FGF14: variants seen among roughly 807,000 people sequenced by gnomAD.
The protein encoded by FGF14 is fibroblast growth factor homologous factor 4.
In FGF14, 5 loss-of-function variants were observed where a neutral mutation model predicts 25.5. The observed-to-expected ratio is 0.20, with a 90% confidence interval of 0.10 to 0.41. The LOEUF (loss-of-function observed/expected upper bound fraction) is 0.41, where lower values mean the gene tolerates loss of function less well. Ranked by LOEUF, FGF14 falls within the 10% of genes least tolerant of loss-of-function variation. FGF14 has a pLI of 1.00. For missense variants in FGF14, 222 were observed against 320.1 expected (o/e 0.69, Z 2.34); for synonymous variants, 138 against 118.3 (o/e 1.17, Z -1.08).
intron 1 of FGF14, among the ~76,000 whole-genome samples, chr13:102,344,460 A>C (rs1415482343): frequency 6.6e-6 from 1 of 152,276 alleles, no homozygotes; most frequent in Non-Finnish European, 1.5e-5. Context: ...TTACCAGAGC[A>C]TTTGAAAAAT....
At chr13:101,731,148 C>T (rs2035783298) in intron 3 of FGF14, among the ~76,000 whole-genome samples, 1 of 152,292 alleles carries the variant, frequency 6.6e-6, no homozygotes, top group African/African-American at 2.4e-5. Context: ...CCCTACTTTG[C>T]TTCTCAAGGC....
At chr13:101,798,595 G>C (rs2040692870) in intron 3 of FGF14, among the ~76,000 whole-genome samples, 1 of 152,012 alleles carries the variant, frequency 6.6e-6, no homozygotes, top group Non-Finnish European at 1.5e-5. Flanking sequence ...GGGGGCATGT[G>C]GTCAACATTG....
chr13:102,275,345 AT>A lies in FGF14; in HGVS notation c.208+126125del, dbSNP rs1452825721. ...TTTTGGTATTTTTATAAATTAAAAAATATGCCAAAAATATTATCTAATGAAG... is the reference window on the plus strand; with the variant it reads ...TTTTGGTATTTTTATAAATTAAAAAAATGCCAAAAATATTATCTAATGAAG... On this transcript the variant is annotated intron_variant, in intron 1 of 4. Transcript: ENST00000376131. 1.2e-4 allele frequency among the ~76,000 whole-genome samples: 18 copies of A among 151,934 alleles called. 1 individual carries two copies. Among genetic ancestry groups the A allele is most frequent in the South Asian group, 4.2e-4 (2 of 4,816 alleles).
intron 2 of FGF14, among the ~76,000 whole-genome samples, chr13:101,870,709 T>C (rs2045012545): frequency 6.6e-6 from 1 of 152,164 alleles, no homozygotes. Flanking sequence ...ATCCCAGCAC[T>C]TCGGGAAGCC....
In FGF14 at chr13:102,219,394, C is replaced by T. The variant is rs76226584; in HGVS notation, c.208+182077G>A. Reference sequence around the variant, plus strand: ...GAGACAGAAGAAGGACTTCTTCACCCAGGACTTGACATCAACCCCTGCTCC... The same window carrying T: ...GAGACAGAAGAAGGACTTCTTCACCTAGGACTTGACATCAACCCCTGCTCC... On this transcript the variant is annotated intron_variant, in intron 1 of 4. Transcript: ENST00000376131. 3.4e-3 allele frequency among the ~76,000 whole-genome samples: 514 copies of T among 152,224 alleles called. 3 individuals carry two copies. The highest frequency in any genetic ancestry group is 5.5e-3 in the Non-Finnish European group (375 of 68,018).
intron 1 of FGF14, among the ~76,000 whole-genome samples, chr13:101,938,204 A>G (rs1478442412): frequency 6.6e-6 from 1 of 152,202 alleles, no homozygotes; most frequent in Non-Finnish European, 1.5e-5. Context: ...CTTGGAGACT[A>G]AATCCACTTA....
chr13:102,102,117 A>G (rs1186133884), intron 1 of FGF14, among the ~76,000 whole-genome samples: 1 of 152,226 alleles, frequency 6.6e-6, no homozygotes, highest in African/African-American at 2.4e-5. Context: ...GATCCAATAC[A>G]GTTGGTATGA....
chr13:102,053,751 A>G (rs2042314275), intron 1 of FGF14, among the ~76,000 whole-genome samples: 1 of 152,168 alleles, frequency 6.6e-6, no homozygotes. Flanking sequence ...ATAAACACAT[A>G]TAATGGCTTA....
At chr13:101,761,474 G>C (rs2038024921) in intron 3 of FGF14, among the ~76,000 whole-genome samples, 1 of 152,178 alleles carries the variant, frequency 6.6e-6, no homozygotes. Flanking sequence ...CCACGTGACT[G>C]TGGGTCTCTG....
intron 1 of FGF14, among the ~76,000 whole-genome samples, chr13:102,352,220 A>C (rs565842361): frequency 2.0e-5 from 3 of 150,058 alleles, no homozygotes; most frequent in African/African-American, 4.9e-5. Context: ...ATACCCAAAC[A>C]ACCACAATAT....
chr13:101,952,641 C>T (rs2036245518), intron 1 of FGF14, among the ~76,000 whole-genome samples: 1 of 152,092 alleles, frequency 6.6e-6, no homozygotes, highest in African/African-American at 2.4e-5. Flanking sequence ...AAAGAACAGG[C>T]AAATATCACC....
At chr13:101,913,808 C>T (rs1276856474) in intron 1 of FGF14, among the ~76,000 whole-genome samples, 1 of 152,086 alleles carries the variant, frequency 6.6e-6, no homozygotes, top group Non-Finnish European at 1.5e-5. Flanking sequence ...CTCTCCCCAC[C>T]CCTCTCTCCT....
intron 1 of FGF14, among the ~76,000 whole-genome samples, chr13:102,401,254 G>A (rs903765006): frequency 2.0e-5 from 3 of 150,716 alleles, no homozygotes; most frequent in African/African-American, 4.9e-5. Flanking sequence ...GTGATGGATT[G>A]TGTCACAGCC....
chr13:101,932,891 A>G (rs781023218), intron 1 of FGF14, among the ~76,000 whole-genome samples: 3 of 152,164 alleles, frequency 2.0e-5, no homozygotes, highest in African/African-American at 4.8e-5. Context: ...ACCCAATTCA[A>G]TGAATTTTGA....
chr13:101,748,546 C>G (rs918718643), intron 3 of FGF14, among the ~76,000 whole-genome samples: 1 of 151,376 alleles, frequency 6.6e-6, no homozygotes, highest in African/African-American at 2.4e-5. Flanking sequence ...ACACTAAAAG[C>G]CCATACTTTA....
intron 1 of FGF14, among the ~76,000 whole-genome samples, chr13:102,233,440 T>A (rs1313376408): frequency 2.8e-5 from 3 of 107,848 alleles, no homozygotes; most frequent in Non-Finnish European, 3.5e-5. Flanking sequence ...CTCATTTTTT[T>A]ATTTAACTTG....
intron 1 of FGF14, among the ~76,000 whole-genome samples, chr13:102,255,547 C>T (rs182458637): frequency 3.3e-5 from 5 of 152,288 alleles, no homozygotes; most frequent in Admixed American, 3.3e-4. Context: ...TATTAACCCA[C>T]AGGCAGAGAT....
At chr13:101,935,208 CT>C (rs1299520710) in intron 1 of FGF14, among the ~76,000 whole-genome samples, 1 of 152,188 alleles carries the variant, frequency 6.6e-6, no homozygotes, top group Non-Finnish European at 1.5e-5. Context: ...TGTAAGCAAG[CT>C]GATGTGAGAG....
chr13:102,051,482 A>C (rs2042213797), intron 1 of FGF14, among the ~76,000 whole-genome samples: 2 of 152,140 alleles, frequency 1.3e-5, no homozygotes, highest in Admixed American at 1.3e-4. Flanking sequence ...TGAACCCACA[A>C]GCCAGACCCA....
Sources: gnomAD v4.1 joint callset for allele counts (sites outside exome capture counted in the v4.1 genomes callset) on GRCh38, gnomAD v4.1.1 for gene constraint, MANE v1.5 for transcripts, NCBI Gene and HGNC (gene_info 2026-07-23, HGNC 2026-07-21) for gene names.